Variants in ITPR2 observed in about 807,000 individuals in gnomAD.
The protein encoded by ITPR2 is inositol 1,4,5-trisphosphate receptor type 2.
ITPR2 carries 207 observed loss-of-function variants against 317.1 expected under a neutral mutation model. That is an observed-to-expected ratio of 0.65 (90% CI 0.58 to 0.73). ITPR2 has a LOEUF of 0.73. Among genes scored for constraint, ITPR2 ranks in the 30% least tolerant of loss-of-function variants. The probability of loss-of-function intolerance (pLI) is 0.00; values close to 1 mark genes in which losing one functional copy is unlikely to be tolerated. For synonymous variants in ITPR2, 1,156 were observed against 1,149.1 expected (o/e 1.01, Z -0.12); for missense variants, 2,613 against 3,284.0 (o/e 0.80, Z 4.99).
intron 26 of ITPR2, among the ~76,000 whole-genome samples, chr12:26,604,985 G>A (rs1180357831): frequency 2.0e-5 from 3 of 151,694 alleles, no homozygotes; most frequent in Non-Finnish European, 4.4e-5. Flanking sequence ...CTACTCAGGA[G>A]GCTGAGGCAG....
At chr12:26,398,603 G>T (rs1940077923) in intron 54 of ITPR2, among the ~76,000 whole-genome samples, 1 of 152,198 alleles carries the variant, frequency 6.6e-6, no homozygotes, top group South Asian at 2.1e-4. Flanking sequence ...TTGCCAGTTG[G>T]TGAAACCTTT....
intron 1 of ITPR2, chr12:26,801,278 A>G (rs1247879392): frequency 8.0e-5 from 13 of 162,282 alleles, no homozygotes; most frequent in Admixed American, 6.8e-4. Flanking sequence ...GGCTGGAAAC[A>G]TGGCAGAGAG....
chr12:26,382,923 T>C (rs1238057650), intron 55 of ITPR2, among the ~76,000 whole-genome samples: 1 of 152,186 alleles, frequency 6.6e-6, no homozygotes, highest in East Asian at 1.9e-4. Flanking sequence ...ATTTTACAAA[T>C]GAAGAAACTG....
At chr12:26,580,332 A>G (rs1945373242) in intron 32 of ITPR2, among the ~76,000 whole-genome samples, 177 bp from the exon 33 acceptor site, 1 of 152,188 alleles carries the variant, frequency 6.6e-6, no homozygotes, top group African/African-American at 2.4e-5. Context: ...ATCAATCTTC[A>G]GTAGCTGCTC....
chr12:26,346,617 C>A (rs1330502838), intron 55 of ITPR2, among the ~76,000 whole-genome samples: 3 of 139,928 alleles, frequency 2.1e-5, no homozygotes, highest in African/African-American at 7.6e-5. Flanking sequence ...AGAGTAAAGA[C>A]TTTCTCAAAA....
At chr12:26,347,103 C>T (rs139593460) in intron 55 of ITPR2, among the ~76,000 whole-genome samples, 4 of 152,136 alleles carry the variant, frequency 2.6e-5, no homozygotes, top group East Asian at 1.9e-4. Flanking sequence ...TGTCCCTGCA[C>T]CTGACTTCCA....
chr12:26,529,414 G>T (rs1327186249), intron 37 of ITPR2, among the ~76,000 whole-genome samples: 2 of 152,174 alleles, frequency 1.3e-5, no homozygotes, highest in African/African-American at 4.8e-5. Context: ...CTTTGGGTGT[G>T]TGCTGTTTCC....
At chr12:26,720,123 A>C (rs953521554) in intron 5 of ITPR2, among the ~76,000 whole-genome samples, 2 of 152,172 alleles carry the variant, frequency 1.3e-5, no homozygotes, top group Non-Finnish European at 2.9e-5. Context: ...TTTCTTCCCC[A>C]AAACCATCCA....
At chr12:26,599,916 T>C in intron 29 of ITPR2, 71 bp downstream of exon 29, 1 of 1,144,784 alleles carries the variant, frequency 8.7e-7, no homozygotes, top group South Asian at 1.6e-5. Flanking sequence ...CAAAATTCTC[T>C]TCATGAATGT....
intron 26 of ITPR2, among the ~76,000 whole-genome samples, chr12:26,605,243 A>G (rs1946105957): frequency 6.6e-6 from 1 of 151,856 alleles, no homozygotes; most frequent in Non-Finnish European, 1.5e-5. Flanking sequence ...GAAAGAGGCT[A>G]GAGGTCAGAG....
intron 37 of ITPR2, among the ~76,000 whole-genome samples, chr12:26,515,440 T>A (rs560632316): frequency 6.6e-6 from 1 of 152,058 alleles, no homozygotes; most frequent in Non-Finnish European, 1.5e-5. Context: ...TGCTATTCCT[T>A]AAGGCCCACA....
At chr12:26,402,445 G>C (rs1940208319) in intron 52 of ITPR2, among the ~76,000 whole-genome samples, 1 of 152,200 alleles carries the variant, frequency 6.6e-6, no homozygotes, top group South Asian at 2.1e-4. Flanking sequence ...CGCTACAGGA[G>C]AGGGCTTCTA....
rs184550476 is a variant in ITPR2 at position 26,795,846 on chromosome 12, G to A, written c.93-5619C>T. 1.5e-3 allele frequency among the ~76,000 whole-genome samples: 233 copies of A among 152,122 alleles called. 1 individual carries two copies. The highest frequency in any genetic ancestry group is 4.1e-3 in the African/African-American group (172 of 41,500). ...AAAAAAATACAAAAATTAGCAGGGCGTGGTGGCACGACCTGTAATCCCAGC... is the reference window on the plus strand; with the variant it reads ...AAAAAAATACAAAAATTAGCAGGGCATGGTGGCACGACCTGTAATCCCAGC... On this transcript the variant is annotated intron_variant, in intron 1 of 56. Transcript: ENST00000381340.
At chr12:26,639,456 T>G (rs1946933188) in intron 21 of ITPR2, among the ~76,000 whole-genome samples, 1 of 152,172 alleles carries the variant, frequency 6.6e-6, no homozygotes, top group Non-Finnish European at 1.5e-5. Context: ...ATGGTTCCTT[T>G]CTATGCCAGC....
intron 1 of ITPR2, among the ~76,000 whole-genome samples, chr12:26,822,340 T>C (rs1052248480): frequency 1.3e-5 from 2 of 152,144 alleles, no homozygotes; most frequent in South Asian, 2.1e-4. Context: ...CCTGCATTCA[T>C]GGGAATCTAT....
chr12:26,825,051 G>A (rs1162099192), intron 1 of ITPR2, among the ~76,000 whole-genome samples: 2 of 152,038 alleles, frequency 1.3e-5, no homozygotes, highest in African/African-American at 4.8e-5. Context: ...GGCCAACATG[G>A]CAACACCCTA....
chr12:26,526,804 C>G (rs760082493), intron 37 of ITPR2, among the ~76,000 whole-genome samples: 2 of 152,076 alleles, frequency 1.3e-5, no homozygotes, highest in African/African-American at 2.4e-5. Flanking sequence ...TAGGTAAAAT[C>G]AACAAGACTA....
intron 2 of ITPR2, among the ~76,000 whole-genome samples, chr12:26,748,385 A>C (rs1242299283): frequency 3.3e-5 from 5 of 152,260 alleles, no homozygotes; most frequent in African/African-American, 1.2e-4. Flanking sequence ...ATTTTATTAC[A>C]CTTAATCCTA....
intron 10 of ITPR2, among the ~76,000 whole-genome samples, chr12:26,687,025 T>G (rs1948140084): frequency 6.6e-6 from 1 of 152,218 alleles, no homozygotes; most frequent in South Asian, 2.1e-4. Context: ...CATGGCAGTG[T>G]GCAGGAGTTC....
Sources: allele counts gnomAD v4.1 joint callset (sites outside exome capture counted in the v4.1 genomes callset), GRCh38; gene constraint gnomAD v4.1.1; transcripts MANE v1.5; gene names NCBI Gene and HGNC (gene_info 2026-07-23, HGNC 2026-07-21).